Variants in CRB1 observed in about 807,000 individuals in gnomAD.
CRB1 encodes the protein crumbs cell polarity complex component 1.
A neutral mutation model predicts 120.0 loss-of-function variants in CRB1; 83 were observed. The observed-to-expected ratio is 0.69, with a 90% CI of 0.58 to 0.83. The LOEUF is 0.83. CRB1 is among the 40% of genes least tolerant of loss of function. CRB1 has a pLI of 0.00. For synonymous variants in CRB1, 625 were observed against 612.5 expected, an observed-to-expected ratio of 1.02 and a Z score of -0.30; for missense variants, 1,699 against 1,687.6, an observed-to-expected ratio of 1.01 and a Z score of -0.12.
intron 1 of CRB1, among the ~76,000 whole-genome samples, chr1:197,319,309 T>A (rs1476970059): frequency 7.3e-6 from 1 of 137,268 alleles, no homozygotes; most frequent in Non-Finnish European, 1.5e-5. Context: ...GTGCCTGTAG[T>A]CCCAGCTACT....
At chr1:197,211,432 G>T in the CRB1 span, among the ~76,000 whole-genome samples, 1 of 152,150 alleles carries the variant, frequency 6.6e-6, no homozygotes, top group Non-Finnish European at 1.5e-5. Context: ...CTGAAGTCTG[G>T]GAAGTCCAAG....
chr1:197,392,988 G>A (rs1571459902), intron 5 of CRB1, among the ~76,000 whole-genome samples: 2 of 151,950 alleles, frequency 1.3e-5, no homozygotes, highest in African/African-American at 4.8e-5. Flanking sequence ...GTTCCCAGGG[G>A]AATATATGTT....
At chr1:197,366,441 C>A (rs1057471343) in intron 5 of CRB1, among the ~76,000 whole-genome samples, 1 of 152,040 alleles carries the variant, frequency 6.6e-6, no homozygotes, top group African/African-American at 2.4e-5. Flanking sequence ...ATAAACTGTT[C>A]TTTTTTTGTA....
the CRB1 span, among the ~76,000 whole-genome samples, chr1:197,210,997 A>G: frequency 1.3e-5 from 2 of 152,234 alleles, no homozygotes; most frequent in Non-Finnish European, 2.9e-5. Context: ...TACCAGAAAT[A>G]TAACATTTTA....
intron 1 of CRB1, among the ~76,000 whole-genome samples, chr1:197,296,290 G>A (rs2125246230): frequency 6.6e-6 from 1 of 152,064 alleles, no homozygotes; most frequent in South Asian, 2.1e-4. Context: ...ACCTTTGCAA[G>A]CCTCACTTTC....
At chr1:197,239,670 C>A in the CRB1 span, among the ~76,000 whole-genome samples, 1 of 150,850 alleles carries the variant, frequency 6.6e-6, no homozygotes, top group African/African-American at 2.4e-5. Flanking sequence ...ATTTTACCCA[C>A]TTACAAATAA....
chr1:197,252,765 A>G, the CRB1 span, among the ~76,000 whole-genome samples: 1 of 150,906 alleles, frequency 6.6e-6, no homozygotes, highest in Non-Finnish European at 1.5e-5. Context: ...CAGTGCAGTA[A>G]TTCAGCTCAA....
chr1:197,385,695 T>C (rs985458592), intron 5 of CRB1, among the ~76,000 whole-genome samples: 6 of 152,068 alleles, frequency 3.9e-5, no homozygotes, highest in Non-Finnish European at 7.4e-5. Context: ...CAGGGGACTA[T>C]AGAGAGTTGG....
intron 5 of CRB1, among the ~76,000 whole-genome samples, chr1:197,358,696 T>C (rs1660615166): frequency 6.6e-6 from 1 of 152,212 alleles, no homozygotes; most frequent in African/African-American, 2.4e-5. Context: ...TGTGCTCTTA[T>C]GAAGCAAGCT....
chr1:197,367,561 A>T (rs540656921), intron 5 of CRB1, among the ~76,000 whole-genome samples: 16 of 152,334 alleles, frequency 1.1e-4, no homozygotes, highest in African/African-American at 3.6e-4. Context: ...CTAACCAGCC[A>T]AGTGAAATTG....
chr1:197,396,219 A>G (rs561317746), intron 5 of CRB1, among the ~76,000 whole-genome samples: 1 of 152,278 alleles, frequency 6.6e-6, no homozygotes, highest in Admixed American at 6.5e-5. Flanking sequence ...TGAAATTTTT[A>G]AAGTACTATT....
At chr1:197,449,791 G>A (rs1032782041) in intron 11 of CRB1, among the ~76,000 whole-genome samples, 3 of 152,184 alleles carry the variant, frequency 2.0e-5, no homozygotes, top group African/African-American at 7.2e-5. Flanking sequence ...CTTTAGCTGG[G>A]TGACTTGGAG....
At chr1:197,430,495 C>T (rs1362900285) in intron 8 of CRB1, among the ~76,000 whole-genome samples, 1 of 152,058 alleles carries the variant, frequency 6.6e-6, no homozygotes, top group African/African-American at 2.4e-5. Context: ...AGTAAAAAAC[C>T]CTTTAATGTG....
chr1:197,466,250 G>T (rs1166706399), intron 11 of CRB1, among the ~76,000 whole-genome samples: 1 of 152,206 alleles, frequency 6.6e-6, no homozygotes, highest in Non-Finnish European at 1.5e-5. Flanking sequence ...GGCAGTTCAG[G>T]CTCTAGTAAT....
intron 11 of CRB1, among the ~76,000 whole-genome samples, chr1:197,462,900 T>TC (rs1666592944): frequency 6.6e-6 from 1 of 151,546 alleles, no homozygotes; most frequent in Non-Finnish European, 1.5e-5. Context: ...TTTTTTTTTT[T>TC]CTTCACCATT....
chr1:197,464,354 A>AT (rs1172385893), intron 11 of CRB1, among the ~76,000 whole-genome samples: 2 of 152,050 alleles, frequency 1.3e-5, no homozygotes, highest in African/African-American at 2.4e-5. Flanking sequence ...ATTGGGGAGG[A>AT]TTTTTCAGGC....
At chr1:197,385,829 G>A (rs548859623) in intron 5 of CRB1, among the ~76,000 whole-genome samples, 1 of 151,774 alleles carries the variant, frequency 6.6e-6, no homozygotes, top group Admixed American at 6.6e-5. Flanking sequence ...TCTTTTTAAT[G>A]ACCCAAAAAT....
chr1:197,236,132 G>T, the CRB1 span, among the ~76,000 whole-genome samples: 2 of 151,696 alleles, frequency 1.3e-5, no homozygotes, highest in Non-Finnish European at 2.9e-5. Context: ...ACATATTGTG[G>T]GGTGAACTTG....
intron 3 of CRB1, among the ~76,000 whole-genome samples, chr1:197,345,509 T>C (rs1659713819): frequency 7.2e-6 from 1 of 139,636 alleles, no homozygotes; most frequent in South Asian, 2.4e-4. Context: ...TGACTTTTTT[T>C]TTTTTTTTTT....
Sources: gnomAD v4.1 joint callset for allele counts (sites outside exome capture counted in the v4.1 genomes callset) on GRCh38, gnomAD v4.1.1 for gene constraint, MANE v1.5 for transcripts, NCBI Gene and HGNC (gene_info 2026-07-23, HGNC 2026-07-21) for gene names.